The following PIP5K1C variants were observed in gnomAD, a reference collection of about 807,000 sequenced individuals.
PIP5K1C encodes the protein phosphatidylinositol-4-phosphate 5-kinase type 1 gamma.
Under a neutral mutation model 80.1 loss-of-function variants are expected in PIP5K1C, and 45 were observed. That is an observed-to-expected ratio of 0.56 (90% CI 0.44 to 0.72). The LOEUF is 0.72. Ranked by LOEUF, PIP5K1C falls within the 30% of genes least tolerant of loss-of-function variation. PIP5K1C has a pLI of 0.00. For synonymous variants in PIP5K1C, 498 were observed against 420.1 expected, an observed-to-expected ratio of 1.19 and a Z score of -2.27; for missense variants, 753 against 954.6, an observed-to-expected ratio of 0.79 and a Z score of 2.78.
intron 1 of PIP5K1C, chr19:3,672,719 G>C (rs1205398952): frequency 6.6e-6 from 1 of 152,526 alleles, no homozygotes; most frequent in Admixed American, 6.5e-5. Context: ...GGCGCCGTGG[G>C]GCAGAGGGCC....
Position 3,637,522 on chromosome 19 carries a change from CT to C in PIP5K1C, c.1920+1361del, listed in dbSNP as rs1157672537. 1 of 1,534,952 alleles carries C rather than the reference CT, an allele frequency of 6.5e-7. No individual in the cohort carries two copies. The highest frequency in any genetic ancestry group is 2.0e-5 in the Admixed American group (1 of 50,948). ...TGCCCCTTCTCCCCAGGGTGGCCGG[CT>C]GCGGTCACTTACAGTCCCCGAGGCG... On this transcript the variant is annotated intron_variant, in intron 16 of 17. Transcript: ENST00000335312. This position sits in a 1 kb window ranked among gnomAD's most constrained non-coding sequence, Gnocchi z 7.0.
chr19:3,692,352 G>A lies in PIP5K1C; in HGVS notation c.94+7945C>T, dbSNP rs74727253. ...CACGGCCCCCAACGCTCCCTACAGGGGCTCCTGGGGCCTCCCTCGCAGCTC... is the reference window on the plus strand; with the variant it reads ...CACGGCCCCCAACGCTCCCTACAGGAGCTCCTGGGGCCTCCCTCGCAGCTC... On this transcript the variant is annotated intron_variant, in intron 1 of 17. Transcript: ENST00000335312. This position sits in a 1 kb window ranked among gnomAD's most constrained non-coding sequence, Gnocchi z 5.2. 1.1e-3 allele frequency among the ~76,000 whole-genome samples: 171 copies of A among 152,250 alleles called. 1 individual carries two copies. The East Asian group carries it at 0.029, about 26-fold the overall frequency.
chr19:3,643,873 C>T (rs1189831180), intron 12 of PIP5K1C, among the ~76,000 whole-genome samples: 2 of 152,108 alleles, frequency 1.3e-5, no homozygotes, highest in Non-Finnish European at 2.9e-5. Context: ...GGAGCTGTCA[C>T]CACCCCACCT....
intron 16 of PIP5K1C, among the ~76,000 whole-genome samples, chr19:3,634,493 G>C (rs1261513985): frequency 1.3e-5 from 2 of 152,210 alleles, no homozygotes; most frequent in Non-Finnish European, 2.9e-5. Flanking sequence ...TGCCAGGCCT[G>C]AATACACACC....
rs566222648 is a variant in PIP5K1C at position 3,643,183 on chromosome 19, T to A, written c.1649+60A>T. On this transcript the variant is annotated intron_variant, in intron 13 of 17. Coordinates refer to ENST00000335312, the MANE Select transcript of PIP5K1C (RefSeq NM_012398.3). ...GGATGCCCCGCCCACATGCAGTGAATGCCCCGCCCCCACGCACAGCGGATG... is the reference window on the plus strand; with the variant it reads ...GGATGCCCCGCCCACATGCAGTGAAAGCCCCGCCCCCACGCACAGCGGATG... 1.1e-5 allele frequency: 18 copies of A among 1,605,178 alleles called. No homozygotes were observed. In the East Asian group the frequency reaches 2.2e-4, roughly 20 times the overall value.
In PIP5K1C at chr19:3,698,771, A is replaced by G. The variant is rs1418222255; in HGVS notation, c.94+1526T>C. Among the ~76,000 whole-genome samples, 3 of 152,174 alleles carry G rather than the reference A, an allele frequency of 2.0e-5. No homozygotes were observed. The South Asian group carries it at 6.2e-4, about 32-fold the overall frequency. On this transcript the variant is annotated intron_variant, in intron 1 of 17. Coordinates refer to ENST00000335312, the MANE Select transcript of PIP5K1C (RefSeq NM_012398.3). ...TCTGTGGCCCAGCCAGGCACAACCT[A>G]AACTCACCAGCGCTAACATCAGGAG...
chr19:3,651,765 G>T, intron 8 of PIP5K1C, 61 bp downstream of exon 8: 1 of 1,503,746 alleles, frequency 6.7e-7, no homozygotes, highest in South Asian at 1.1e-5. Context: ...GACGGGGATG[G>T]GGAACTGGAG....
At chr19:3,651,714 G>T in intron 8 of PIP5K1C, 112 bp downstream of exon 8, 2 of 1,067,026 alleles carry the variant, frequency 1.9e-6, no homozygotes, top group Non-Finnish European at 1.4e-6. Context: ...TGTCACCCAC[G>T]CATGCCCTCG....
chr19:3,689,158 T>C (rs2035868362), intron 1 of PIP5K1C, among the ~76,000 whole-genome samples: 1 of 152,124 alleles, frequency 6.6e-6, no homozygotes, highest in Non-Finnish European at 1.5e-5. Flanking sequence ...CCCAAAGTGC[T>C]GGGATTACAG....
chr19:3,678,561 G>A (rs369614629), intron 1 of PIP5K1C, among the ~76,000 whole-genome samples: 1 of 109,768 alleles, frequency 9.1e-6, no homozygotes, highest in African/African-American at 3.8e-5. Flanking sequence ...GATGGAAGGA[G>A]GGATGGAGGG....
chr19:3,636,859 GC>G, intron 16 of PIP5K1C: 1 of 993,576 alleles, frequency 1.0e-6, no homozygotes, highest in South Asian at 4.5e-5. Context: ...GGCTCTCTGG[GC>G]CCCTTGCTTA....
At chr19:3,647,407 G>A in intron 9 of PIP5K1C, 21 bp from the exon 10 acceptor site, 6 of 1,571,042 alleles carry the variant, frequency 3.8e-6, no homozygotes, top group Non-Finnish European at 5.2e-6. Context: ...AGCACCCGGA[G>A]TGGCAGCTGA....
rs918940047 is a variant in PIP5K1C at position 3,692,690 on chromosome 19, G to C, written c.94+7607C>G. On this transcript the variant is annotated intron_variant, in intron 1 of 17. Coordinates refer to ENST00000335312, the MANE Select transcript of PIP5K1C (RefSeq NM_012398.3). This position sits in a 1 kb window ranked among gnomAD's most constrained non-coding sequence, Gnocchi z 5.2. ...CTGTCCTCCCCACAGCAGCCACCAG[G>C]GGGTGCCTGTGAGCTCCTGAGTCTC... Among the ~76,000 whole-genome samples the C allele has an allele frequency of 2.0e-5, 3 of 151,898 alleles. No individual in the cohort carries two copies. The highest frequency in any genetic ancestry group is 2.0e-4 in the Admixed American group (3 of 15,252).
chr19:3,671,906 G>A (rs558498314), intron 1 of PIP5K1C, among the ~76,000 whole-genome samples: 1 of 152,350 alleles, frequency 6.6e-6, no homozygotes, highest in East Asian at 1.9e-4. Context: ...GAGCCACCCC[G>A]TTTTCGAGGA....
In PIP5K1C at chr19:3,688,877, G is replaced by A. The variant is rs995180351; in HGVS notation, c.94+11420C>T. On this transcript the variant is annotated intron_variant, in intron 1 of 17. Coordinates refer to ENST00000335312, the MANE Select transcript of PIP5K1C (RefSeq NM_012398.3). This position sits in a 1 kb window ranked among gnomAD's most constrained non-coding sequence, Gnocchi z 5.3. ...CCCACACAGCCGAATACATGCCCCC[G>A]GTCCCCCTTCCAGCCTTGTCCCCAA... 1.3e-4 allele frequency among the ~76,000 whole-genome samples: 20 copies of A among 152,002 alleles called. No homozygotes were observed. The highest frequency in any genetic ancestry group is 9.2e-4 in the Admixed American group (14 of 15,262).
At chr19:3,680,429 C>G (rs1317470704) in intron 1 of PIP5K1C, among the ~76,000 whole-genome samples, 2 of 152,136 alleles carry the variant, frequency 1.3e-5, no homozygotes, top group Non-Finnish European at 2.9e-5. Flanking sequence ...CTCAGCCTCC[C>G]GAGTAGCTGG....
chr19:3,637,610 T>C lies in PIP5K1C; in HGVS notation c.1920+1274A>G, dbSNP rs1030537678. The C allele has an allele frequency of 8.3e-6, 12 of 1,447,838 alleles. No homozygotes were observed. Among genetic ancestry groups the C allele is most frequent in the Non-Finnish European group, 1.0e-5 (11 of 1,097,342 alleles). The allele number at this position is 1,447,838 out of a possible 1,614,324, so 89.7% of individuals were successfully genotyped here. A position where few individuals can be genotyped will look rare whatever the true frequency, so the allele number is the denominator to read the frequency against. ...GAGTAAATCCAGTACCTCCCATCCG[T>C]GAACTGGACGGGGCGGGCCGGGTGG... On this transcript the variant is annotated intron_variant, in intron 16 of 17. Transcript: ENST00000335312. The surrounding 1 kb of genome is among the most constrained non-coding windows in gnomAD (Gnocchi z 7.0).
intron 1 of PIP5K1C, among the ~76,000 whole-genome samples, chr19:3,689,526 G>C (rs1376478967): frequency 6.6e-6 from 1 of 152,152 alleles, no homozygotes; most frequent in Non-Finnish European, 1.5e-5. Context: ...GCGGGCGCCT[G>C]TAATCCCAGC....
At chr19:3,657,385 T>C (rs147966639) in intron 5 of PIP5K1C, among the ~76,000 whole-genome samples, 1 of 152,068 alleles carries the variant, frequency 6.6e-6, no homozygotes, top group Non-Finnish European at 1.5e-5. Flanking sequence ...ACCAATGAAG[T>C]GTGCATGGGG....
Sources: gnomAD v4.1 joint callset for allele counts (sites outside exome capture counted in the v4.1 genomes callset) on GRCh38, gnomAD v4.1.1 for gene constraint, Gnocchi (gnomAD v3.1) non-coding constraint, MANE v1.5 for transcripts, NCBI Gene and HGNC (gene_info 2026-07-23, HGNC 2026-07-21) for gene names.